The following SORCS1 variants were observed in gnomAD, a reference collection of about 807,000 sequenced individuals.
The protein encoded by SORCS1 is VPS10 domain-containing receptor SorCS1.
Under a neutral mutation model 146.1 loss-of-function variants are expected in SORCS1, and 60 were observed. That is an observed-to-expected ratio of 0.41 (90% CI 0.33 to 0.51). The LOEUF (loss-of-function observed/expected upper bound fraction) is 0.51, where lower values mean the gene tolerates loss of function less well. Among genes scored for constraint, SORCS1 ranks in the 20% least tolerant of loss-of-function variants. SORCS1 has a pLI of 0.21. For missense variants in SORCS1, 1,352 were observed against 1,487.6 expected, an observed-to-expected ratio of 0.91 and a Z score of 1.50; for synonymous variants, 637 against 584.0, an observed-to-expected ratio of 1.09 and a Z score of -1.31.
At chr10:106,945,622 G>C (rs1394770404) in intron 2 of SORCS1, among the ~76,000 whole-genome samples, 1 of 152,118 alleles carries the variant, frequency 6.6e-6, no homozygotes, top group Non-Finnish European at 1.5e-5. Flanking sequence ...TCTATAACCA[G>C]GTTTGATATC....
Position 106,618,284 on chromosome 10 carries a change from A to G in SORCS1, c.2797-12T>C. On this transcript the variant is annotated splice_polypyrimidine_tract_variant and intron_variant, in intron 20 of 25. Coordinates refer to ENST00000263054, the MANE Select transcript of SORCS1 (RefSeq NM_052918.5). ...AAGGTGATCAAAGGCTAAAATAAAC[A>G]AGGGCCCAGAGTGAAGGGAAAGCTC... is the stretch of plus-strand genomic sequence containing the variant. 6.2e-7 allele frequency: 1 copy of G among 1,613,136 alleles called. No homozygotes were observed. Among genetic ancestry groups the G allele is most frequent in the South Asian group, 1.1e-5 (1 of 91,014 alleles).
At chr10:107,088,358 GA>G (rs533395117) in intron 1 of SORCS1, among the ~76,000 whole-genome samples, 242 of 152,228 alleles carry the variant, frequency 1.6e-3, no homozygotes, top group African/African-American at 5.6e-3. Context: ...CCTCCCCTAG[GA>G]AACGCAATGA....
At chr10:107,143,728 C>A (rs1295769876) in intron 1 of SORCS1, among the ~76,000 whole-genome samples, 2 of 151,928 alleles carry the variant, frequency 1.3e-5, no homozygotes, top group Admixed American at 1.3e-4. Flanking sequence ...CTAGTCTTGA[C>A]CTCCTGACCT....
At chr10:107,094,153 C>G (rs1964396535) in intron 1 of SORCS1, among the ~76,000 whole-genome samples, 1 of 152,046 alleles carries the variant, frequency 6.6e-6, no homozygotes, top group Non-Finnish European at 1.5e-5. Context: ...CTTTTTTAAT[C>G]AAGAATATAA....
At chr10:106,694,136 G>T (rs950870170) in intron 9 of SORCS1, among the ~76,000 whole-genome samples, 3 of 152,128 alleles carry the variant, frequency 2.0e-5, no homozygotes, top group African/African-American at 7.2e-5. Context: ...CACAATCAGG[G>T]AACCCACTGG....
intron 1 of SORCS1, among the ~76,000 whole-genome samples, chr10:106,963,110 A>ATGTTTTTTTTT (rs1955323408): frequency 2.6e-5 from 2 of 76,296 alleles, no homozygotes; most frequent in East Asian, 4.4e-4. Context: ...AATGGCCAGA[A>ATGTTTTTTTTT]TTTTTTTTTT....
intron 1 of SORCS1, among the ~76,000 whole-genome samples, chr10:107,139,571 T>C (rs1315853505): frequency 1.3e-5 from 2 of 151,990 alleles, no homozygotes; most frequent in Non-Finnish European, 2.9e-5. Flanking sequence ...AGACAGCAGA[T>C]TCTCAAAGGT....
chr10:106,785,792 A>G (rs1303776946), intron 3 of SORCS1, among the ~76,000 whole-genome samples: 1 of 152,192 alleles, frequency 6.6e-6, no homozygotes, highest in Non-Finnish European at 1.5e-5. Flanking sequence ...TCTACTGCAG[A>G]GCTCTTTGGA....
intron 1 of SORCS1, among the ~76,000 whole-genome samples, chr10:106,977,606 T>TTAA (rs58902566): frequency 6.7e-6 from 1 of 150,148 alleles, no homozygotes; most frequent in African/African-American, 2.5e-5. Flanking sequence ...TTTTTTTTTT[T>TTAA]AATTTGTTCC....
At chr10:106,951,827 A>G (rs1004436799) in intron 2 of SORCS1, among the ~76,000 whole-genome samples, 11 of 152,118 alleles carry the variant, frequency 7.2e-5, no homozygotes, top group Admixed American at 6.6e-5. Context: ...ATAGTCCCCA[A>G]TTTTTGGCAT....
intron 2 of SORCS1, among the ~76,000 whole-genome samples, chr10:106,948,924 G>A (rs988029706): frequency 6.6e-6 from 1 of 151,870 alleles, no homozygotes; most frequent in Non-Finnish European, 1.5e-5. Flanking sequence ...TCACGCCACT[G>A]CACTTCAACC....
At chr10:107,081,400 G>C (rs1038512295) in intron 1 of SORCS1, among the ~76,000 whole-genome samples, 1 of 152,146 alleles carries the variant, frequency 6.6e-6, no homozygotes, top group Non-Finnish European at 1.5e-5. Flanking sequence ...TATATGATGT[G>C]AACATGTCTA....
intron 1 of SORCS1, among the ~76,000 whole-genome samples, chr10:107,126,818 G>T (rs1458810101): frequency 6.6e-6 from 1 of 152,038 alleles, no homozygotes; most frequent in Non-Finnish European, 1.5e-5. Context: ...TGAATCAGTT[G>T]CAAGCAGAAG....
Position 106,672,848 on chromosome 10 carries a change from C to T in SORCS1, c.2058+20G>A. 1.2e-6 allele frequency: 2 copies of T among 1,602,594 alleles called. No individual in the cohort carries two copies. The highest frequency in any genetic ancestry group is 1.1e-5 in the South Asian group (1 of 90,822). ...TCATGCTTCCTGCCCAGGCCTTAGT[C>T]TCAGTTCTTTTCCTCCTACCTGGCT... On this transcript the variant is annotated intron_variant, in intron 15 of 25. Transcript: ENST00000263054.
At chr10:107,079,903 G>A (rs1427029069) in intron 1 of SORCS1, among the ~76,000 whole-genome samples, 2 of 152,158 alleles carry the variant, frequency 1.3e-5, no homozygotes, top group Admixed American at 1.3e-4. Context: ...TTCCTCATGA[G>A]CAGCTCCCAC....
At chr10:106,953,324 G>A (rs2138944991) in intron 2 of SORCS1, among the ~76,000 whole-genome samples, 2 of 151,978 alleles carry the variant, frequency 1.3e-5, no homozygotes, top group South Asian at 4.2e-4. Flanking sequence ...CTTCTCCTTG[G>A]TATATTTAAA....
intron 1 of SORCS1, among the ~76,000 whole-genome samples, chr10:107,006,599 C>G (rs992388057): frequency 1.3e-5 from 2 of 152,146 alleles, no homozygotes; most frequent in African/African-American, 2.4e-5. Flanking sequence ...GGGCAGATCA[C>G]GAGGTCAGGA....
At chr10:106,970,688 T>C (rs1306409232) in intron 1 of SORCS1, among the ~76,000 whole-genome samples, 3 of 151,914 alleles carry the variant, frequency 2.0e-5, no homozygotes, top group African/African-American at 7.3e-5. Context: ...CACCTCAACC[T>C]GATCTGGGCT....
At chr10:107,063,847 A>G (rs1961472296) in intron 1 of SORCS1, among the ~76,000 whole-genome samples, 1 of 152,192 alleles carries the variant, frequency 6.6e-6, no homozygotes, top group African/African-American at 2.4e-5. Flanking sequence ...CATATTCCCA[A>G]TGAGAAATGG....
Sources: allele counts gnomAD v4.1 joint callset (sites outside exome capture counted in the v4.1 genomes callset), GRCh38; gene constraint gnomAD v4.1.1; transcripts MANE v1.5; gene names NCBI Gene and HGNC (gene_info 2026-07-23, HGNC 2026-07-21).